The following SCRG1 variants were observed in gnomAD, a reference collection of about 807,000 sequenced individuals.
SCRG1 encodes the protein stimulator of chondrogenesis 1, also known as scrapie-responsive protein 1.
In SCRG1, 3 loss-of-function variants were observed where a neutral mutation model predicts 7.7. The observed-to-expected ratio is 0.39, with a 90% confidence interval of 0.18 to 1.01. The LOEUF (loss-of-function observed/expected upper bound fraction) is 1.01, where lower values mean the gene tolerates loss of function less well. SCRG1 is among the 50% of genes least tolerant of loss of function. SCRG1 has a pLI of 0.36. For missense variants in SCRG1, 110 were observed against 117.2 expected (o/e 0.94, Z 0.28); for synonymous variants, 46 against 41.2 (o/e 1.12, Z -0.44).
At chr4:173,484,961 A>G in the SCRG1 span, among the ~76,000 whole-genome samples, 1 of 56,468 alleles carries the variant, frequency 1.8e-5, no homozygotes, top group Non-Finnish European at 3.0e-5. Flanking sequence ...AATATTATAT[A>G]TATTATATAT....
chr4:173,437,149 A>T, the SCRG1 span, among the ~76,000 whole-genome samples: 1 of 152,196 alleles, frequency 6.6e-6, no homozygotes, highest in African/African-American at 2.4e-5. Flanking sequence ...TCTGCTGACT[A>T]ACTTTAGAGA....
At chr4:173,458,627 T>C in the SCRG1 span, among the ~76,000 whole-genome samples, 1 of 151,958 alleles carries the variant, frequency 6.6e-6, no homozygotes, top group African/African-American at 2.4e-5. Context: ...GAGAAAAGAA[T>C]GAAAACTTAT....
the SCRG1 span, among the ~76,000 whole-genome samples, chr4:173,508,959 T>C: frequency 6.6e-6 from 1 of 152,206 alleles, no homozygotes; most frequent in African/African-American, 2.4e-5. This position sits in a 1 kb window ranked among gnomAD's most constrained non-coding sequence, Gnocchi z 4.4. Context: ...CGAGGCGAGA[T>C]AGCCAGCTTC....
the SCRG1 span, among the ~76,000 whole-genome samples, chr4:173,491,274 A>G: frequency 1.5e-3 from 194 of 133,428 alleles, 4 homozygotes; most frequent in Non-Finnish European, 2.0e-4. Flanking sequence ...CCTGTGCCCC[A>G]CTGCATGCAC....
the SCRG1 span, among the ~76,000 whole-genome samples, chr4:173,437,180 C>A: frequency 6.7e-3 from 1,027 of 152,278 alleles, 5 homozygotes; most frequent in African/African-American, 0.02. Flanking sequence ...GTTACCCCAC[C>A]TTACCAGAGC....
At position 173,391,192 on chromosome 4, in the gene SCRG1, C is replaced by A; in HGVS notation, c.223G>T (p.Glu75Ter). 6.2e-7 allele frequency: 1 copy of A among 1,614,108 alleles called. No homozygotes were observed. The highest frequency in any genetic ancestry group is 8.5e-7 in the Non-Finnish European group (1 of 1,180,008). Residue 75 changes from glutamate to a stop codon, truncating the protein, a stop_gained, in exon 2 of 3, where the codon GAA becomes TAA. Coordinates refer to ENST00000296506, the MANE Select transcript of SCRG1 (RefSeq NM_007281.4). LOFTEE classifies it high-confidence loss of function. Reference protein sequence around the residue: ...CEMICYCNFSELLCCPKDVFF... With the variant: ...CEMICYCNFS The stretch of plus-strand genomic sequence containing the variant: ...CCTTACTTTGGGCAGCAGAGCAATT[C>A]GCTGAAGTTGCAGTAACAGATCATC...
the SCRG1 span, among the ~76,000 whole-genome samples, chr4:173,448,865 A>G: frequency 1.3e-5 from 2 of 152,250 alleles, no homozygotes; most frequent in African/African-American, 4.8e-5. Flanking sequence ...GTACATGCAT[A>G]CAATAGCCTC....
At chr4:173,467,173 T>G in the SCRG1 span, among the ~76,000 whole-genome samples, 1 of 152,188 alleles carries the variant, frequency 6.6e-6, no homozygotes, top group African/African-American at 2.4e-5. Flanking sequence ...ACATTTTTCT[T>G]AATGTATCAT....
intron 1 of SCRG1, among the ~76,000 whole-genome samples, chr4:173,392,272 T>C (rs999405061): frequency 1.3e-5 from 2 of 152,192 alleles, no homozygotes; most frequent in Non-Finnish European, 2.9e-5. Flanking sequence ...TGGTTGCAAA[T>C]TTTTAGCAAT....
the SCRG1 span, among the ~76,000 whole-genome samples, chr4:173,428,165 A>T: frequency 6.6e-6 from 1 of 152,196 alleles, no homozygotes; most frequent in Non-Finnish European, 1.5e-5. Flanking sequence ...TTTTGGGTTA[A>T]CACTCCATTT....
At chr4:173,473,313 C>A in the SCRG1 span, among the ~76,000 whole-genome samples, 1 of 152,230 alleles carries the variant, frequency 6.6e-6, no homozygotes, top group East Asian at 1.9e-4. Flanking sequence ...GTAGGCTGGC[C>A]TGACCACACA....
At position 173,385,057 on chromosome 4, in the gene SCRG1, T is replaced by A. The variant is rs1324876452; in HGVS notation, c.*3284A>T. ...ATGTAAACTTAGACAAACTACTTAA[T>A]ATCTTTAAACCTTAGCTTTTTTGTC... On this transcript the variant is annotated 3_prime_UTR_variant, in exon 3 of 3. Transcript: ENST00000296506. 4 of 149,444 alleles carry A rather than the reference T, an allele frequency of 2.7e-5. No homozygotes were observed. The highest frequency in any genetic ancestry group is 3.0e-5 in the Non-Finnish European group (2 of 66,044). 9.3% of individuals were successfully genotyped at this position (149,444 alleles called of 1,614,324 possible).
At chr4:173,486,776 T>C in the SCRG1 span, among the ~76,000 whole-genome samples, 1 of 152,162 alleles carries the variant, frequency 6.6e-6, no homozygotes, top group African/African-American at 2.4e-5. Flanking sequence ...GCTTTTATAA[T>C]TTCCTGAAAT....
the SCRG1 span, among the ~76,000 whole-genome samples, chr4:173,418,394 T>C: frequency 0.94 from 143,610 of 152,264 alleles, 68,286 homozygotes; most frequent in East Asian, 1. Flanking sequence ...TGGAAGGAGA[T>C]GATAATTGTG....
upstream of SCRG1, among the ~76,000 whole-genome samples, chr4:173,411,055 C>T (rs1300998844): frequency 6.6e-6 from 1 of 152,134 alleles, no homozygotes; most frequent in Non-Finnish European, 1.5e-5. Context: ...TTCCAACTTC[C>T]TCCTTAGCTC....
At chr4:173,484,999 T>TAA in the SCRG1 span, among the ~76,000 whole-genome samples, 6 of 29,422 alleles carry the variant, frequency 2.0e-4, no homozygotes, top group South Asian at 1.0e-3. Context: ...ATATAATATA[T>TAA]TATAAATATA....
chr4:173,454,212 T>C, the SCRG1 span, among the ~76,000 whole-genome samples: 1 of 151,748 alleles, frequency 6.6e-6, no homozygotes. Context: ...AGACAGGCAA[T>C]GCAGTTGAAA....
the SCRG1 span, among the ~76,000 whole-genome samples, chr4:173,501,262 A>G: frequency 6.6e-6 from 1 of 152,206 alleles, no homozygotes; most frequent in East Asian, 1.9e-4. This position sits in a 1 kb window ranked among gnomAD's most constrained non-coding sequence, Gnocchi z 5.1. Context: ...CCAAAAGGGA[A>G]CAGTAACAAC....
At chr4:173,483,554 A>G in the SCRG1 span, among the ~76,000 whole-genome samples, 6 of 93,964 alleles carry the variant, frequency 6.4e-5, no homozygotes, top group South Asian at 6.4e-4. Context: ...AATATATATT[A>G]TATATTGTAT....
Sources: gnomAD v4.1 joint callset for allele counts (sites outside exome capture counted in the v4.1 genomes callset) on GRCh38, gnomAD v4.1.1 for gene constraint, Gnocchi (gnomAD v3.1) non-coding constraint, MANE v1.5 for transcripts, NCBI Gene and HGNC (gene_info 2026-07-23, HGNC 2026-07-21) for gene names.